BTBD8: variants seen among roughly 807,000 people sequenced by gnomAD.
The protein encoded by BTBD8 is BTB domain containing 8, also known as BTB/POZ domain-containing protein 8.
BTBD8 carries 110 observed loss-of-function variants against 162.9 expected under a neutral mutation model. The ratio of observed to expected loss-of-function variants is 0.68; its 90% confidence interval spans 0.58 to 0.79. The LOEUF (loss-of-function observed/expected upper bound fraction) is 0.79, where lower values mean the gene tolerates loss of function less well. Among genes scored for constraint, BTBD8 ranks in the 30% least tolerant of loss-of-function variants. The probability of loss-of-function intolerance (pLI) is 0.00; values close to 1 mark genes in which losing one functional copy is unlikely to be tolerated. For missense variants in BTBD8, 1,905 were observed against 2,085.4 expected (o/e 0.91, Z 1.68); for synonymous variants, 667 against 716.1 (o/e 0.93, Z 1.10).
intron 1 of BTBD8, among the ~76,000 whole-genome samples, chr1:92,084,907 T>C (rs1226891549): frequency 6.6e-6 from 1 of 152,190 alleles, no homozygotes; most frequent in Non-Finnish European, 1.5e-5. Flanking sequence ...GACCAACATA[T>C]AGTTCCACAC....
rs374649888 is a variant in BTBD8 at position 92,180,734 on chromosome 1, C to T, written c.3051C>T (p.Asn1017=). 5 of 1,551,460 alleles carry T rather than the reference C, an allele frequency of 3.2e-6. No individual in the cohort carries two copies. Among genetic ancestry groups the T allele is most frequent in the Non-Finnish European group, 4.4e-6 (5 of 1,146,970 alleles). ...SCRPDPQKPL[N]DQEKEKLALE... ...GGCCTGACCCACAAAAGCCATTAAA[C>T]GATCAAGAAAAAGAGAAGTTGGCGT... The change falls in exon 17 of 18, where the codon AAC becomes AAT. Residue 1017 remains asparagine (N), a synonymous_variant. Transcript: ENST00000636805.
At chr1:92,119,893 C>CTTTTTTT (rs58297367) in intron 4 of BTBD8, among the ~76,000 whole-genome samples, 36 of 58,398 alleles carry the variant, frequency 6.2e-4, no homozygotes, top group African/African-American at 8.9e-4. Context: ...CGGCCCTTTT[C>CTTTTTTT]TTTTTTTTTT....
chr1:92,141,293 T>C, intron 7 of BTBD8, 82 bp downstream of exon 7: 1 of 1,355,266 alleles, frequency 7.4e-7, no homozygotes. Context: ...CTGATAGTAA[T>C]AGTGCTTTAA....
rs143573418 is a variant in BTBD8 at position 92,092,160 on chromosome 1, G to T, written c.347+3265G>T. ...TCATACCTGTAGTCCCAGCACTTTG[G>T]GGGGCTGAGGCAGGTGGATCGCTTG... On this transcript the variant is annotated intron_variant, in intron 2 of 17. Transcript: ENST00000636805. 5.8e-3 allele frequency among the ~76,000 whole-genome samples: 880 copies of T among 152,174 alleles called. 3 individuals carry two copies. Among genetic ancestry groups the T allele is most frequent in the Middle Eastern group, 0.014 (4 of 294 alleles).
At chr1:92,105,245 T>A (rs1648697405) in intron 3 of BTBD8, among the ~76,000 whole-genome samples, 1 of 145,570 alleles carries the variant, frequency 6.9e-6, no homozygotes, top group Non-Finnish European at 1.5e-5. Context: ...TATTTTTTTA[T>A]TTTTTAAATT....
intron 12 of BTBD8, among the ~76,000 whole-genome samples, chr1:92,171,062 A>G (rs919201579): frequency 6.6e-6 from 1 of 152,006 alleles, no homozygotes; most frequent in Non-Finnish European, 1.5e-5. Context: ...TGTAATTTGG[A>G]GAACTAAATG....
At chr1:92,120,571 T>C (rs501872) in intron 4 of BTBD8, among the ~76,000 whole-genome samples, 4,757 of 152,298 alleles carry the variant, frequency 0.031, 90 homozygotes, top group African/African-American at 0.038. Flanking sequence ...TGCTAGACTT[T>C]TATACAGCTG....
At position 92,167,968 on chromosome 1, in the gene BTBD8, G is replaced by A. The variant is rs1433413712; in HGVS notation, c.1426G>A (p.Asp476Asn). Residue 476 changes from aspartate to asparagine, a missense_variant, in exon 11 of 18, where the codon GAC becomes AAC. Asp to Asn is a conservative substitution (Grantham distance 23). Coordinates refer to ENST00000636805, the MANE Select transcript of BTBD8 (RefSeq NM_001376131.1). ...GGCTCTGGACACACTGCTGAACTCT[G>A]ACAGTACAAAGGAAATGGTACTGAA... ...LMALDTLLNSDSTKEMGFTCK... is the reference protein window; with the variant it reads ...LMALDTLLNSNSTKEMGFTCK... 1 of 1,546,856 alleles carries A rather than the reference G, an allele frequency of 6.5e-7. No individual in the cohort carries two copies. Among genetic ancestry groups the A allele is most frequent in the Non-Finnish European group, 8.7e-7 (1 of 1,144,218 alleles).
intron 11 of BTBD8, among the ~76,000 whole-genome samples, chr1:92,168,608 T>C (rs1364203882): frequency 6.6e-6 from 1 of 152,208 alleles, no homozygotes; most frequent in Non-Finnish European, 1.5e-5. Flanking sequence ...GAAAAGGCTG[T>C]GGAAGGTGTT....
chr1:92,095,252 G>T (rs1187980820), intron 2 of BTBD8, among the ~76,000 whole-genome samples: 1 of 152,040 alleles, frequency 6.6e-6, no homozygotes, highest in Non-Finnish European at 1.5e-5. Context: ...ACTCCCATAG[G>T]CCAGAGCCAG....
chr1:92,172,466 A>C (rs1425332659), intron 13 of BTBD8, among the ~76,000 whole-genome samples: 1 of 152,208 alleles, frequency 6.6e-6, no homozygotes, highest in Non-Finnish European at 1.5e-5. Context: ...TTGACCACCC[A>C]CAAGGTTATT....
At chr1:92,107,449 TTG>T (rs1338385559) in intron 3 of BTBD8, among the ~76,000 whole-genome samples, 4 of 152,212 alleles carry the variant, frequency 2.6e-5, no homozygotes, top group African/African-American at 9.7e-5. Flanking sequence ...CTGCTTACCA[TTG>T]TGTTACAGTT....
At chr1:92,089,375 T>C (rs1201599901) in intron 2 of BTBD8, among the ~76,000 whole-genome samples, 3 of 152,210 alleles carry the variant, frequency 2.0e-5, no homozygotes, top group African/African-American at 7.2e-5. Context: ...GAACCGTTGC[T>C]ACGTACTCAC....
chr1:92,179,975 T>C (rs1203350499), intron 16 of BTBD8, among the ~76,000 whole-genome samples: 1 of 152,094 alleles, frequency 6.6e-6, no homozygotes, highest in African/African-American at 2.4e-5. Context: ...GCAAATCCAG[T>C]TTTGGCATAA....
intron 2 of BTBD8, among the ~76,000 whole-genome samples, chr1:92,089,640 C>T (rs1648246410): frequency 6.6e-6 from 1 of 152,086 alleles, no homozygotes; most frequent in African/African-American, 2.4e-5. Flanking sequence ...TCTCTGTGCC[C>T]TCACATGGCA....
At position 92,167,911 on chromosome 1, in the gene BTBD8, A is replaced by G. The variant is rs1297032408; in HGVS notation, c.1369A>G (p.Ile457Val). 1 of 1,551,062 alleles carries G rather than the reference A, an allele frequency of 6.4e-7. No individual in the cohort carries two copies. The highest frequency in any genetic ancestry group is 2.0e-5 in the Admixed American group (1 of 50,996). Residue 457 changes from isoleucine (I) to valine (V), a missense_variant, in exon 11 of 18, where the codon ATC (isoleucine) becomes GTC (valine). By Grantham distance (29) the Ile-to-Val change is conservative. Around this residue, in one of 3 missense-constraint regions of BTBD8, gnomAD observed 1,374 missense variants for 1,442.7 expected, o/e 0.95. Coordinates refer to ENST00000636805, the MANE Select transcript of BTBD8 (RefSeq NM_001376131.1). ...AATTTTAAAAGCAATTGAAGAAAAT[A>G]TCACCACTGAAAATAGCTGCTCTCT... ...DTILKAIEEN[I>V]TTENSCSLLM...
At chr1:92,175,949 G>A (rs1169680316) in intron 13 of BTBD8, among the ~76,000 whole-genome samples, 2 of 152,188 alleles carry the variant, frequency 1.3e-5, no homozygotes, top group East Asian at 3.9e-4. Context: ...TATCTTCAGT[G>A]CCATTTTATT....
intron 6 of BTBD8, among the ~76,000 whole-genome samples, chr1:92,140,417 C>T (rs1324797629): frequency 6.6e-6 from 1 of 152,100 alleles, no homozygotes; most frequent in East Asian, 1.9e-4. Flanking sequence ...CATTTTCTTG[C>T]TATTCTAACA....
At chr1:92,139,463 A>AAAG (rs771545832) in intron 6 of BTBD8, 33 bp downstream of exon 6, 1 of 1,587,576 alleles carries the variant, frequency 6.3e-7, no homozygotes, top group African/African-American at 1.4e-5. Flanking sequence ...TTAAAATATA[A>AAAG]AAGAGTTAGG....
Sources: allele counts gnomAD v4.1 joint callset (sites outside exome capture counted in the v4.1 genomes callset), GRCh38; gene constraint gnomAD v4.1.1; regional missense constraint gnomAD v4.1.1; transcripts MANE v1.5; gene names NCBI Gene and HGNC (gene_info 2026-07-23, HGNC 2026-07-21).